Variants in FIP1L1 observed in about 807,000 individuals in gnomAD.
FIP1L1 encodes the protein pre-mRNA 3'-end-processing factor FIP1.
Under a neutral mutation model 84.6 loss-of-function variants are expected in FIP1L1, and 21 were observed. The ratio of observed to expected loss-of-function variants is 0.25; its 90% CI spans 0.18 to 0.36. The LOEUF is 0.36. Ranked by LOEUF, FIP1L1 falls within the 10% of genes least tolerant of loss-of-function variation. FIP1L1 has a pLI of 1.00. For missense variants in FIP1L1, 526 were observed against 751.1 expected, an observed-to-expected ratio of 0.70 and a Z score of 3.50; for synonymous variants, 263 against 242.3, an observed-to-expected ratio of 1.09 and a Z score of -0.80.
At chr4:53,451,962 C>G (rs1716298105) in intron 15 of FIP1L1, among the ~76,000 whole-genome samples, 1 of 151,480 alleles carries the variant, frequency 6.6e-6, no homozygotes, top group African/African-American at 2.4e-5. Context: ...CGGCTCACTG[C>G]AAGCTCCGCC....
chr4:53,394,711 T>A (rs1371597019), intron 9 of FIP1L1, among the ~76,000 whole-genome samples: 2 of 151,706 alleles, frequency 1.3e-5, no homozygotes, highest in African/African-American at 4.9e-5. Flanking sequence ...TCTTATAGGT[T>A]GAAACAAAAT....
At chr4:53,429,009 C>T (rs890456744) in intron 13 of FIP1L1, among the ~76,000 whole-genome samples, 2 of 152,208 alleles carry the variant, frequency 1.3e-5, no homozygotes, top group African/African-American at 4.8e-5. Context: ...CATGTACTCT[C>T]ACTCACTTTT....
chr4:53,458,786 C>T lies in FIP1L1; in HGVS notation c.1633C>T (p.Arg545Ter). ...EKEETRHKSS[R>*]SNSRRRHESE... ...AGAGGAAACCAGACATAAGTCTTCT[C>T]GAAGGTTTGCTCTTTAATAAAATAG... The change falls in exon 17 of 18, where the codon CGA (arginine) becomes TGA (stop). Residue 545 changes from arginine to a stop codon, truncating the protein, a stop_gained. Coordinates refer to ENST00000337488, the MANE Select transcript of FIP1L1 (RefSeq NM_030917.4). LOFTEE classifies it high-confidence loss of function. The T allele has an allele frequency of 6.2e-7, 1 of 1,610,382 alleles. No individual in the cohort carries two copies.
chr4:53,458,058 AT>A (rs1579282183), intron 16 of FIP1L1, among the ~76,000 whole-genome samples: 1 of 152,108 alleles, frequency 6.6e-6, no homozygotes, highest in East Asian at 1.9e-4. Flanking sequence ...GGTATGTCCA[AT>A]CTGCATTTTG....
At chr4:53,447,109 T>G (rs1774534164) in intron 15 of FIP1L1, among the ~76,000 whole-genome samples, 1 of 152,100 alleles carries the variant, frequency 6.6e-6, no homozygotes, top group African/African-American at 2.4e-5. Flanking sequence ...GATTTCTGTT[T>G]TACCTTTGTT....
In FIP1L1 at chr4:53,442,680, C is replaced by A; in HGVS notation, c.1202C>A (p.Pro401His). Residue 401 changes from proline to histidine, a missense_variant, in exon 14 of 18, where the codon CCT (proline) becomes CAT (histidine). Transcript: ENST00000337488. ...TTTCCTCCTCCACCAGGCGCTCCAC[C>A]TCCATCTCTTATACCAACAATAGAA... ...PGFPPPPGAP[P>H]PSLIPTIESG... 1 of 1,605,820 alleles carries A rather than the reference C, an allele frequency of 6.2e-7. No homozygotes were observed. Among genetic ancestry groups the A allele is most frequent in the Non-Finnish European group, 8.5e-7 (1 of 1,172,858 alleles).
chr4:53,415,807 GAT>G (rs752649472), intron 11 of FIP1L1, among the ~76,000 whole-genome samples: 145 of 152,112 alleles, frequency 9.5e-4, no homozygotes, highest in Non-Finnish European at 1.8e-3. Context: ...CTTAAAAGTG[GAT>G]ATACATCTCA....
intron 15 of FIP1L1, 50 bp from the exon 16 acceptor site, chr4:53,452,869 TG>T: frequency 7.0e-7 from 1 of 1,424,482 alleles, no homozygotes. Flanking sequence ...GTGGGCATTT[TG>T]TTTTTTTAAA....
At chr4:53,441,133 T>G (rs1287620886) in intron 13 of FIP1L1, 1 of 151,990 alleles carries the variant, frequency 6.6e-6, no homozygotes, top group Non-Finnish European at 1.5e-5. Context: ...TAGGAGTTTA[T>G]ATGTGGCCCA....
At position 53,427,109 on chromosome 4, in the gene FIP1L1, G is replaced by A. The variant is rs1578794103; in HGVS notation, c.1018-918G>A. ...TTTCCCCTTACCATTAAAATGCCACGATTTCTCAAAATAAATACTTTAAGA... is the reference window on the plus strand; with the variant it reads ...TTTCCCCTTACCATTAAAATGCCACAATTTCTCAAAATAAATACTTTAAGA... On this transcript the variant is annotated intron_variant, in intron 12 of 17. Transcript: ENST00000337488. Among the ~76,000 whole-genome samples the A allele has an allele frequency of 2.0e-5, 3 of 151,910 alleles. No homozygotes were observed. The East Asian group carries it at 5.8e-4, about 29-fold the overall frequency.
chr4:53,458,768 A>G lies in FIP1L1; in HGVS notation c.1615A>G (p.Thr539Ala). Residue 539 changes from threonine to alanine, a missense_variant, in exon 17 of 18, where the codon ACC becomes GCC. Transcript: ENST00000337488. ...AAGACGACACAGGGAGAAAGAGGAA[A>G]CCAGACATAAGTCTTCTCGAAGGTT... is the stretch of plus-strand genomic sequence containing the variant. ...RERRHREKEE[T>A]RHKSSRSNSR... The G allele has an allele frequency of 6.2e-7, 1 of 1,612,594 alleles. No homozygotes were observed. The highest frequency in any genetic ancestry group is 8.5e-7 in the Non-Finnish European group (1 of 1,179,130).
At chr4:53,450,394 C>A (rs1775893358) in intron 15 of FIP1L1, among the ~76,000 whole-genome samples, 1 of 152,204 alleles carries the variant, frequency 6.6e-6, no homozygotes, top group South Asian at 2.1e-4. Flanking sequence ...GAGAACAAAT[C>A]TGTTACTCTC....
intron 16 of FIP1L1, among the ~76,000 whole-genome samples, chr4:53,456,996 A>G (rs1190176432): frequency 6.6e-6 from 1 of 152,126 alleles, no homozygotes; most frequent in Non-Finnish European, 1.5e-5. Context: ...GAAGTTAACT[A>G]TATTTATTTC....
At chr4:53,442,494 T>G (rs1175490789) in intron 13 of FIP1L1, 159 bp from the exon 14 acceptor site, 18 of 580,758 alleles carry the variant, frequency 3.1e-5, no homozygotes, top group Non-Finnish European at 5.6e-5. Flanking sequence ...TAAAAATCTG[T>G]TCATAAGTTT....
At chr4:53,389,232 A>T (rs1375176449) in intron 5 of FIP1L1, among the ~76,000 whole-genome samples, 4 of 152,214 alleles carry the variant, frequency 2.6e-5, no homozygotes, top group Non-Finnish European at 5.9e-5. Flanking sequence ...TTTATTAACA[A>T]TATCAAATGC....
At chr4:53,416,779 C>G (rs554188618) in intron 11 of FIP1L1, among the ~76,000 whole-genome samples, 8 of 152,210 alleles carry the variant, frequency 5.3e-5, no homozygotes, top group Non-Finnish European at 1.2e-4. Context: ...GCCTGTCCAA[C>G]ATGGTGAAAC....
chr4:53,454,377 A>G (rs1460215654), intron 16 of FIP1L1, among the ~76,000 whole-genome samples: 2 of 152,230 alleles, frequency 1.3e-5, no homozygotes, highest in African/African-American at 2.4e-5. Context: ...TTGCACAACA[A>G]TGAAATCACC....
At chr4:53,417,787 T>A (rs574659484) in intron 11 of FIP1L1, among the ~76,000 whole-genome samples, 22,095 of 100,960 alleles carry the variant, frequency 0.22, 2,731 homozygotes, top group African/African-American at 0.36. Flanking sequence ...TCTCTCTCTC[T>A]CTCTCTCTCT....
chr4:53,443,373 A>C (rs1326589228), intron 14 of FIP1L1, among the ~76,000 whole-genome samples: 1 of 33,694 alleles, frequency 3.0e-5, no homozygotes, highest in African/African-American at 5.3e-5. Flanking sequence ...AGGCTACTGA[A>C]TATAAAGTGC....
Sources: allele counts gnomAD v4.1 joint callset (sites outside exome capture counted in the v4.1 genomes callset), GRCh38; gene constraint gnomAD v4.1.1; transcripts MANE v1.5; gene names NCBI Gene and HGNC (gene_info 2026-07-23, HGNC 2026-07-21).